COL28A1: variants seen among roughly 807,000 people sequenced by gnomAD.
COL28A1 encodes the protein collagen type XXVIII alpha 1 chain.
COL28A1 carries 161 observed loss-of-function variants against 150.2 expected under a neutral mutation model. The observed-to-expected ratio is 1.07, with a 90% CI of 0.94 to 1.22. COL28A1 has a LOEUF of 1.22. COL28A1 is among the 50% of genes most tolerant of loss of function. COL28A1 has a pLI of 0.00. For missense variants in COL28A1, 1,617 were observed against 1,388.3 expected (o/e 1.16, Z -2.62); for synonymous variants, 552 against 469.7 (o/e 1.18, Z -2.26).
chr7:7,353,850 A>G (rs1206372200), downstream of COL28A1, among the ~76,000 whole-genome samples: 2 of 152,116 alleles, frequency 1.3e-5, no homozygotes, highest in Non-Finnish European at 2.9e-5. Flanking sequence ...GGGTCCTTCT[A>G]CTTTCCAACA....
Position 7,417,905 on chromosome 7 carries a change from A to C in COL28A1, c.2090T>G (p.Leu697Trp). The C allele has an allele frequency of 6.2e-7, 1 of 1,613,486 alleles. No individual in the cohort carries two copies. Residue 697 changes from leucine to tryptophan, a missense_variant, in exon 27 of 35, where the codon TTG becomes TGG. Physicochemically the swap from Leu to Trp is moderately conservative, Grantham distance 61. Coordinates refer to ENST00000399429, the MANE Select transcript of COL28A1 (RefSeq NM_001037763.3). Reference sequence around the variant, plus strand: ...GCCAGGGGGGCCAGGAGGGCCAGGCAAGCCTTTCTGCCCAGTATCACCCTG... The same window carrying C: ...GCCAGGGGGGCCAGGAGGGCCAGGCCAGCCTTTCTGCCCAGTATCACCCTG... ...GPKGDTGQKG[L>W]PGPPGPPGYG...
intron 18 of COL28A1, among the ~76,000 whole-genome samples, chr7:7,451,502 G>C (rs1786689734): frequency 6.6e-6 from 1 of 152,174 alleles, no homozygotes; most frequent in Non-Finnish European, 1.5e-5. Context: ...GGGATTACAG[G>C]TGTGAGCCAC....
chr7:7,507,089 A>T, intron 10 of COL28A1, 28 bp downstream of exon 10: 1 of 998,438 alleles, frequency 1.0e-6, no homozygotes, highest in Non-Finnish European at 1.6e-6. Flanking sequence ...TTCTAATTCA[A>T]ACTTAGATTT....
intron 34 of COL28A1, among the ~76,000 whole-genome samples, chr7:7,359,203 G>A (rs1382153983): frequency 6.6e-6 from 1 of 151,530 alleles, no homozygotes; most frequent in Non-Finnish European, 1.5e-5. Flanking sequence ...TCCACTTTCT[G>A]TACACATTTC....
At position 7,379,673 on chromosome 7, in the gene COL28A1, A is replaced by T. The variant is rs576949549; in HGVS notation, c.2322+987T>A. Among the ~76,000 whole-genome samples, 4 of 152,310 alleles carry T rather than the reference A, an allele frequency of 2.6e-5. No homozygotes were observed. The South Asian group carries it at 8.3e-4, about 32-fold the overall frequency. Reference sequence around the variant, plus strand: ...GTTGGTGAAATGAATGAATGAATAAATGAATGGAGAAAGGAAACCAGTCCC... The same window carrying T: ...GTTGGTGAAATGAATGAATGAATAATTGAATGGAGAAAGGAAACCAGTCCC... On this transcript the variant is annotated intron_variant, in intron 30 of 34. Coordinates refer to ENST00000399429, the MANE Select transcript of COL28A1 (RefSeq NM_001037763.3).
chr7:7,451,689 G>A (rs979872207), intron 18 of COL28A1, among the ~76,000 whole-genome samples: 7 of 151,716 alleles, frequency 4.6e-5, no homozygotes, highest in African/African-American at 1.7e-4. Flanking sequence ...CATACACAGA[G>A]GCATATATTA....
intron 25 of COL28A1, among the ~76,000 whole-genome samples, chr7:7,424,582 C>T (rs1784550686): frequency 1.3e-5 from 2 of 152,138 alleles, no homozygotes; most frequent in Admixed American, 1.3e-4. Context: ...TTGTTGGAGC[C>T]TGCAGAGGGA....
chr7:7,367,479 C>T (rs543119919), intron 33 of COL28A1, among the ~76,000 whole-genome samples: 16 of 152,110 alleles, frequency 1.1e-4, no homozygotes, highest in Non-Finnish European at 2.1e-4. Flanking sequence ...AGGCACTATC[C>T]GAGAAGGTCA....
At chr7:7,452,102 T>C (rs975577927) in intron 18 of COL28A1, among the ~76,000 whole-genome samples, 1 of 152,338 alleles carries the variant, frequency 6.6e-6, no homozygotes, top group African/African-American at 2.4e-5. Flanking sequence ...TAGTGGAGTA[T>C]ATATTTTAGA....
At chr7:7,395,366 A>C (rs1782778837) in intron 27 of COL28A1, among the ~76,000 whole-genome samples, 2 of 152,168 alleles carry the variant, frequency 1.3e-5, no homozygotes, top group African/African-American at 4.8e-5. Context: ...ATTCAGTGAA[A>C]ACATTTCACC....
intron 27 of COL28A1, among the ~76,000 whole-genome samples, chr7:7,403,431 A>C (rs185437799): frequency 1.1e-3 from 163 of 152,242 alleles, no homozygotes; most frequent in African/African-American, 3.8e-3. Flanking sequence ...AAATACAGAA[A>C]ATCTTTTTAA....
At chr7:7,474,812 T>C (rs1271543829) in intron 14 of COL28A1, 143 bp from the exon 15 acceptor site, 7 of 596,646 alleles carry the variant, frequency 1.2e-5, no homozygotes, top group Non-Finnish European at 5.9e-6. Flanking sequence ...AAATGGGTAA[T>C]TCTAATTGAC....
intron 26 of COL28A1, among the ~76,000 whole-genome samples, chr7:7,419,478 G>A (rs10085771): frequency 0.22 from 32,830 of 152,100 alleles, 5,019 homozygotes; most frequent in African/African-American, 0.43. Flanking sequence ...GGGACAATCA[G>A]TCTAGACCCT....
chr7:7,436,874 T>C (rs1200997670), intron 22 of COL28A1, among the ~76,000 whole-genome samples: 3 of 152,178 alleles, frequency 2.0e-5, no homozygotes, highest in Non-Finnish European at 2.9e-5. Flanking sequence ...ACCCCGTCTC[T>C]ACTAAAAGCA....
intron 16 of COL28A1, among the ~76,000 whole-genome samples, chr7:7,455,288 C>T (rs1460812764): frequency 2.0e-5 from 3 of 152,082 alleles, no homozygotes; most frequent in Admixed American, 6.5e-5. Flanking sequence ...AATAAGGCTG[C>T]GTAAGTATAT....
At chr7:7,462,439 C>A (rs926578294) in intron 15 of COL28A1, among the ~76,000 whole-genome samples, 1 of 151,892 alleles carries the variant, frequency 6.6e-6, no homozygotes, top group Non-Finnish European at 1.5e-5. Flanking sequence ...CAGGAAGGCA[C>A]CAGAGAAAGG....
chr7:7,487,978 C>T (rs1419175129), intron 13 of COL28A1, among the ~76,000 whole-genome samples: 1 of 152,262 alleles, frequency 6.6e-6, no homozygotes, highest in East Asian at 1.9e-4. Flanking sequence ...AGCTAAGCTC[C>T]CAGACAACAA....
At chr7:7,493,079 A>C (rs1780015219) in intron 11 of COL28A1, among the ~76,000 whole-genome samples, 1 of 147,784 alleles carries the variant, frequency 6.8e-6, no homozygotes, top group Non-Finnish European at 1.5e-5. Context: ...TATACCATTA[A>C]AAATACAATA....
At chr7:7,399,509 G>A (rs1330604084) in intron 27 of COL28A1, among the ~76,000 whole-genome samples, 2 of 152,172 alleles carry the variant, frequency 1.3e-5, no homozygotes, top group Admixed American at 1.3e-4. Context: ...AATGGATGTG[G>A]AGGTTGGCCA....
Sources: gnomAD v4.1 joint callset for allele counts (sites outside exome capture counted in the v4.1 genomes callset) on GRCh38, gnomAD v4.1.1 for gene constraint, MANE v1.5 for transcripts, NCBI Gene and HGNC (gene_info 2026-07-23, HGNC 2026-07-21) for gene names.